PLEKHO1: variants seen among roughly 807,000 people sequenced by gnomAD.
The protein encoded by PLEKHO1 is pleckstrin homology domain-containing family O member 1.
A neutral mutation model predicts 41.4 loss-of-function variants in PLEKHO1; 22 were observed. That is an observed-to-expected ratio of 0.53 (90% confidence interval 0.38 to 0.76). The LOEUF is 0.76. Ranked by LOEUF, PLEKHO1 falls within the 30% of genes least tolerant of loss-of-function variation. The pLI, the probability that PLEKHO1 is intolerant of heterozygous loss-of-function variation, is 0.00. For missense variants in PLEKHO1, 488 were observed against 518.3 expected, an observed-to-expected ratio of 0.94 and a Z score of 0.57; for synonymous variants, 225 against 210.8, an observed-to-expected ratio of 1.07 and a Z score of -0.58.
At position 150,159,438 on chromosome 1, in the gene PLEKHO1, T is replaced by C. The variant is rs782182105; in HGVS notation, c.1145T>C (p.Leu382Pro). 6.2e-7 allele frequency: 1 copy of C among 1,613,966 alleles called. No homozygotes were observed. Among genetic ancestry groups the C allele is most frequent in the Non-Finnish European group, 8.5e-7 (1 of 1,179,986 alleles). Residue 382 changes from leucine to proline, a missense_variant, in exon 6 of 6, where the codon CTG (leucine) becomes CCG (proline). Transcript: ENST00000369124. ...VLQEVRELRD[L>P]YRQMDLQTPD... is the part of the protein sequence containing the mutation. ...CAGGAGGTCAGGGAGCTGAGAGACCTGTACAGACAGATGGACCTGCAGACC... is the reference window on the plus strand; with the variant it reads ...CAGGAGGTCAGGGAGCTGAGAGACCCGTACAGACAGATGGACCTGCAGACC...
intron 2 of PLEKHO1, among the ~76,000 whole-genome samples, chr1:150,152,109 A>G (rs1659960698): frequency 6.6e-6 from 1 of 152,160 alleles, no homozygotes; most frequent in Admixed American, 6.5e-5. Flanking sequence ...TATTCAGTAG[A>G]TTATATTTAG....
At chr1:150,155,895 GTCC>G (rs1660147674) in intron 2 of PLEKHO1, 168 bp from the exon 3 acceptor site, 2 of 630,036 alleles carry the variant, frequency 3.2e-6, no homozygotes, top group East Asian at 2.7e-5. Flanking sequence ...CTGCCCTAGC[GTCC>G]TCCTCGATGT....
intron 5 of PLEKHO1, among the ~76,000 whole-genome samples, chr1:150,157,920 A>G (rs922968855): frequency 2.0e-5 from 3 of 152,174 alleles, no homozygotes; most frequent in Non-Finnish European, 4.4e-5. Context: ...AATGCAGAGA[A>G]CACAGGCTTT....
Position 150,159,131 on chromosome 1 carries a change from G to C in PLEKHO1, c.838G>C (p.Asp280His). The change falls in exon 6 of 6, where the codon GAT becomes CAT. Residue 280 changes from aspartate to histidine, a missense_variant. Physicochemically the swap from Asp to His is moderately conservative, Grantham distance 81. Coordinates refer to ENST00000369124, the MANE Select transcript of PLEKHO1 (RefSeq NM_016274.6). ...ASLEEILSQR[D>H]AASARTLQLR... Reference sequence around the variant, plus strand: ...CCTGGAGGAGATCCTATCTCAGCGGGATGCTGCCTCTGCCCGCACCCTCCA... The same window carrying C: ...CCTGGAGGAGATCCTATCTCAGCGGCATGCTGCCTCTGCCCGCACCCTCCA... The C allele has an allele frequency of 1.2e-6, 2 of 1,612,370 alleles. No individual in the cohort carries two copies. Among genetic ancestry groups the C allele is most frequent in the Non-Finnish European group, 1.7e-6 (2 of 1,179,370 alleles).
chr1:150,156,162 C>G lies in PLEKHO1; in HGVS notation c.274C>G (p.His92Asp), dbSNP rs1660158737. ...GTCCAAGAGCAGGAGCAAGAAAAAT[C>G]ATAGCAAGTTTACTCTTGCCCACTC... ...RKSKSRSKKN[H>D]SKFTLAHSKQ... Residue 92 changes from histidine to aspartate, a missense_variant, in exon 3 of 6, where the codon CAT (histidine) becomes GAT (aspartate). His to Asp is a moderately conservative substitution (Grantham distance 81). Around this residue, in one of 3 missense-constraint regions of PLEKHO1, gnomAD observed 59 missense variants for 111.5 expected, o/e 0.53. Transcript: ENST00000369124. 6.2e-7 allele frequency: 1 copy of G among 1,613,860 alleles called. No homozygotes were observed. Among genetic ancestry groups the G allele is most frequent in the Non-Finnish European group, 8.5e-7 (1 of 1,179,866 alleles).
intron 2 of PLEKHO1, among the ~76,000 whole-genome samples, chr1:150,152,254 G>T (rs1659967807): frequency 6.6e-6 from 1 of 152,156 alleles, no homozygotes; most frequent in African/African-American, 2.4e-5. Context: ...CCTCTTAAGG[G>T]TATTGAAACC....
Position 150,150,945 on chromosome 1 carries a change from C to T in PLEKHO1, c.64C>T (p.Pro22Ser). The change falls in exon 2 of 6, where the codon CCC (proline) becomes TCC (serine). Residue 22 changes from proline to serine, a missense_variant. Physicochemically the swap from Pro to Ser is moderately conservative, Grantham distance 74. This residue lies in a region of PLEKHO1 where 92 missense variants were observed against 82.3 expected (regional missense o/e 1.12). Transcript: ENST00000369124. ...PQDGNQQPAP[P>S]EKVGWVRKFC... ...GGATGGAAACCAGCAGCCTGCACCG[C>T]CCGAGAAGGTCGGCTGGGTCCGGAA... The T allele has an allele frequency of 1.2e-6, 2 of 1,614,070 alleles. No homozygotes were observed. Among genetic ancestry groups the T allele is most frequent in the Middle Eastern group, 1.6e-4 (1 of 6,062 alleles).
chr1:150,158,476 G>A (rs1229011648), intron 5 of PLEKHO1, among the ~76,000 whole-genome samples: 1 of 152,072 alleles, frequency 6.6e-6, no homozygotes, highest in Non-Finnish European at 1.5e-5. Flanking sequence ...CTTGAGGTCA[G>A]GAGTTTGAGA....
chr1:150,159,122 T>G lies in PLEKHO1; in HGVS notation c.829T>G (p.Ser277Ala). The G allele has an allele frequency of 6.2e-7, 1 of 1,612,318 alleles. No homozygotes were observed. The highest frequency in any genetic ancestry group is 8.5e-7 in the Non-Finnish European group (1 of 1,179,450). ...GRCASLEEILSQRDAASARTL... is the reference protein window; with the variant it reads ...GRCASLEEILAQRDAASARTL... ...CTGCGCCTCCCTGGAGGAGATCCTA[T>G]CTCAGCGGGATGCTGCCTCTGCCCG... Residue 277 changes from serine (S) to alanine (A), a missense_variant, in exon 6 of 6, where the codon TCT (serine) becomes GCT (alanine). By Grantham distance (99) the Ser-to-Ala change is moderately conservative. Coordinates refer to ENST00000369124, the MANE Select transcript of PLEKHO1 (RefSeq NM_016274.6).
At chr1:150,152,227 C>T (rs1659966017) in intron 2 of PLEKHO1, among the ~76,000 whole-genome samples, 2 of 152,286 alleles carry the variant, frequency 1.3e-5, no homozygotes, top group Middle Eastern at 3.4e-3. Context: ...CTAAGCTGTG[C>T]CACAGCCAAA....
intron 2 of PLEKHO1, 105 bp from the exon 3 acceptor site, chr1:150,155,961 C>G: frequency 2.8e-6 from 3 of 1,086,992 alleles, no homozygotes; most frequent in Non-Finnish European, 4.0e-6. Context: ...GGCGTGCCTC[C>G]CTCTCCTCAG....
chr1:150,155,513 C>T (rs1489706268), intron 2 of PLEKHO1: 1 of 152,320 alleles, frequency 6.6e-6, no homozygotes, highest in East Asian at 1.9e-4. Flanking sequence ...AGATGAGTCT[C>T]TATAATTGTA....
At position 150,156,603 on chromosome 1, in the gene PLEKHO1, A is replaced by G. The variant is rs369192932; in HGVS notation, c.319-308A>G. Among the ~76,000 whole-genome samples the G allele has an allele frequency of 8.5e-5, 13 of 152,294 alleles. No homozygotes were observed. The South Asian group carries it at 1.0e-3, about 12-fold the overall frequency. Reference sequence around the variant, plus strand: ...ATTCCTGTCACATTCTATTTCTTCAAACATTGAAAGATTTGTATTTTAATA... The same window carrying G: ...ATTCCTGTCACATTCTATTTCTTCAGACATTGAAAGATTTGTATTTTAATA... On this transcript the variant is annotated intron_variant, in intron 3 of 5. Transcript: ENST00000369124.
At chr1:150,158,689 T>A in intron 5 of PLEKHO1, 130 bp from the exon 6 acceptor site, 1 of 697,698 alleles carries the variant, frequency 1.4e-6, no homozygotes. Context: ...ACTCTGTCTC[T>A]AAAAAAAAGT....
chr1:150,160,009 G>A lies in PLEKHO1; in HGVS notation c.*486G>A, dbSNP rs782043070. On this transcript the variant is annotated 3_prime_UTR_variant, in exon 6 of 6. Coordinates refer to ENST00000369124, the MANE Select transcript of PLEKHO1 (RefSeq NM_016274.6). ...GTGTCACCTGTCCGTGCACATGGAA[G>A]TGAAATTTATCCCAGCCCTGAGGAG... 6.5e-6 allele frequency: 1 copy of A among 153,568 alleles called. No homozygotes were observed. Among genetic ancestry groups the A allele is most frequent in the African/African-American group, 2.4e-5 (1 of 41,488 alleles). The allele number at this position is 153,568 out of a possible 1,614,324, so 9.5% of individuals were successfully genotyped here.
Position 150,156,904 on chromosome 1 carries a change from C to T in PLEKHO1, c.319-7C>T, listed in dbSNP as rs1403016624. 2.6e-5 allele frequency: 42 copies of T among 1,593,832 alleles called. No homozygotes were observed. The highest frequency in any genetic ancestry group is 3.6e-5 in the Non-Finnish European group (42 of 1,161,664). ...CCCTGGCTGAAACAGGAATCTTCCC[C>T]TCACAGGCACCCAACCTGATCTTCC... On this transcript the variant is annotated splice_polypyrimidine_tract_variant and splice_region_variant and intron_variant, in intron 3 of 5. Coordinates refer to ENST00000369124, the MANE Select transcript of PLEKHO1 (RefSeq NM_016274.6).
At chr1:150,150,697 C>T (rs1290643833) in intron 1 of PLEKHO1, 1 of 541,954 alleles carries the variant, frequency 1.8e-6, no homozygotes, top group Non-Finnish European at 3.3e-6. Flanking sequence ...CACTTGCAGC[C>T]CCGGTTGTTT....
chr1:150,159,137 G>C lies in PLEKHO1; in HGVS notation c.844G>C (p.Ala282Pro). 1 of 1,612,144 alleles carries C rather than the reference G, an allele frequency of 6.2e-7. No individual in the cohort carries two copies. Among genetic ancestry groups the C allele is most frequent in the Non-Finnish European group, 8.5e-7 (1 of 1,179,230 alleles). ...LEEILSQRDAASARTLQLRAE... is the reference protein window; with the variant it reads ...LEEILSQRDAPSARTLQLRAE... ...GGAGATCCTATCTCAGCGGGATGCT[G>C]CCTCTGCCCGCACCCTCCAGCTGCG... The change falls in exon 6 of 6, where the codon GCC becomes CCC. Residue 282 changes from alanine to proline, a missense_variant. Transcript: ENST00000369124.
intron 2 of PLEKHO1, chr1:150,153,500 T>TG (rs1254082173): frequency 6.6e-6 from 1 of 151,788 alleles, no homozygotes. Flanking sequence ...AGATTTTTTT[T>TG]TTTAAGGCAG....
Sources: gnomAD v4.1 joint callset for allele counts (sites outside exome capture counted in the v4.1 genomes callset) on GRCh38, gnomAD v4.1.1 for gene constraint, gnomAD v4.1.1 regional missense constraint, MANE v1.5 for transcripts, NCBI Gene and HGNC (gene_info 2026-07-23, HGNC 2026-07-21) for gene names.